SPACA6: variants seen among roughly 807,000 people sequenced by gnomAD.
SPACA6 encodes sperm acrosome membrane-associated protein 6.
For synonymous variants in SPACA6, 6 were observed against 1.5 expected (o/e 4.05, Z -2.21); for missense variants, 8 against 2.8 (o/e 2.88, Z -1.34).
chr19:51,704,291 C>T lies in SPACA6; in HGVS notation c.752C>T (p.Ala251Val), dbSNP rs2083496078. ...GCAGTGACGGGCCCGCCCCCGCGGG[C>T]GGAGACAGAGTTGCAGGCCTCGTTC... is the stretch of plus-strand genomic sequence containing the variant. ...FLNVTGPPPR[A>V]ETELQASFRE... The change falls in exon 8 of 9, where the codon GCG becomes GTG. Residue 251 changes from alanine (A) to valine (V), a missense_variant. Coordinates refer to ENST00000637797, the MANE Select transcript of SPACA6 (RefSeq NM_001316972.2). The T allele has an allele frequency of 2.5e-6, 1 of 400,710 alleles. No homozygotes were observed. The highest frequency in any genetic ancestry group is 4.4e-6 in the Non-Finnish European group (1 of 225,986). 24.8% of individuals were successfully genotyped at this position (400,710 alleles called of 1,614,324 possible).
At chr19:51,705,362 G>A, downstream of SPACA6, 1 of 356,708 alleles carries the variant, frequency 2.8e-6, no homozygotes, top group Non-Finnish European at 5.0e-6. Flanking sequence ...CTGTCTCCTT[G>A]ACATTTCCAT....
At chr19:51,690,988 G>A (rs964057296), upstream of SPACA6, among the ~76,000 whole-genome samples, 2 of 144,502 alleles carry the variant, frequency 1.4e-5, no homozygotes, top group South Asian at 2.3e-4. Context: ...CTGAGGGTCT[G>A]GGAGGTTGGG....
At chr19:51,699,490 G>C in intron 2 of SPACA6, among the ~76,000 whole-genome samples, 1 of 152,146 alleles carries the variant, frequency 6.6e-6, no homozygotes, top group East Asian at 1.9e-4. Context: ...TGGTTTGCTA[G>C]GACCACTGTA....
intron 2 of SPACA6, among the ~76,000 whole-genome samples, chr19:51,697,230 G>C (rs1308127462): frequency 1.3e-5 from 2 of 152,310 alleles, no homozygotes; most frequent in Non-Finnish European, 1.5e-5. Flanking sequence ...TTTACACAGA[G>C]AGACAGGATC....
Position 51,693,612 on chromosome 19 carries a change from T to C in SPACA6, c.86T>C (p.Leu29Pro). The C allele has an allele frequency of 2.3e-6, 1 of 430,120 alleles. No homozygotes were observed. The highest frequency in any genetic ancestry group is 4.2e-6 in the Non-Finnish European group (1 of 239,964). The allele number at this position is 430,120 out of a possible 1,614,324, so 26.6% of individuals were successfully genotyped here. The change falls in exon 1 of 9, where the codon CTC (leucine) becomes CCC (proline). Residue 29 changes from leucine to proline, a missense_variant. Transcript: ENST00000637797. ...AGGGTGCCCGCCTGGGCCTGTCTCCTCTGCTTCACAACCTACTCTGAGCGC... is the reference window on the plus strand; with the variant it reads ...AGGGTGCCCGCCTGGGCCTGTCTCCCCTGCTTCACAACCTACTCTGAGCGC... ...VFRVPAWACL[L>P]CFTTYSERLR...
chr19:51,704,375 G>A lies in SPACA6; in HGVS notation c.836G>A (p.Ser279Asn). Residue 279 changes from serine (S) to asparagine (N), a missense_variant, in exon 8 of 9, where the codon AGC becomes AAC. Ser to Asn is a conservative substitution (Grantham distance 46, BLOSUM62 1). Coordinates refer to ENST00000637797, the MANE Select transcript of SPACA6 (RefSeq NM_001316972.2). ...DAELIEPWRPSLGELLARPEA... is the reference protein window; with the variant it reads ...DAELIEPWRPNLGELLARPEA... ...GAGCTGATCGAGCCCTGGAGGCCCA[G>A]CCTGGGCGAGCTGCTGGCCAGGCCC... 2.5e-6 allele frequency: 1 copy of A among 401,090 alleles called. No individual in the cohort carries two copies. The highest frequency in any genetic ancestry group is 3.6e-5 in the East Asian group (1 of 28,054). 24.8% of individuals were successfully genotyped at this position (401,090 alleles called of 1,614,324 possible). A position where few individuals can be genotyped will look rare whatever the true frequency, so the allele number is the denominator to read the frequency against.
At chr19:51,707,791 T>C (rs1274791193), downstream of SPACA6, among the ~76,000 whole-genome samples, 2 of 152,186 alleles carry the variant, frequency 1.3e-5, no homozygotes, top group Non-Finnish European at 2.9e-5. Context: ...TTTGCTAGAA[T>C]AGCTTGAATA....
downstream of SPACA6, among the ~76,000 whole-genome samples, chr19:51,707,613 C>G (rs1018629055): frequency 6.6e-6 from 1 of 152,118 alleles, no homozygotes; most frequent in East Asian, 1.9e-4. Flanking sequence ...CCAACTCTCC[C>G]GGACACCAGT....
At chr19:51,683,421 A>G in the SPACA6 span, among the ~76,000 whole-genome samples, 1 of 152,064 alleles carries the variant, frequency 6.6e-6, no homozygotes, top group Non-Finnish European at 1.5e-5. Flanking sequence ...TTTAACATAT[A>G]TATTTGGTGG....
At chr19:51,695,205 TC>T (rs2083420076) in intron 2 of SPACA6, among the ~76,000 whole-genome samples, 2 of 152,322 alleles carry the variant, frequency 1.3e-5, no homozygotes, top group Admixed American at 6.5e-5. Flanking sequence ...GGTGTGACTG[TC>T]CTGGTGAGAC....
downstream of SPACA6, among the ~76,000 whole-genome samples, chr19:51,709,081 C>T (rs774755792): frequency 5.9e-5 from 9 of 151,844 alleles, no homozygotes; most frequent in Non-Finnish European, 8.8e-5. Context: ...AGATGAGGGT[C>T]GGCTGGGTGT....
At chr19:51,709,531 C>CAAAAAAAAAAAAAAAAAAAAAAAAA (rs56170768), downstream of SPACA6, among the ~76,000 whole-genome samples, 1 of 54,466 alleles carries the variant, frequency 1.8e-5, no homozygotes, top group Non-Finnish European at 3.4e-5. Context: ...AAAAAAAAGG[C>CAAAAAAAAAAAAAAAAAAAAAAAAA]AAAAAAAAAA....
chr19:51,704,532 A>T (rs893616342), intron 8 of SPACA6, 52 bp downstream of exon 8: 1 of 399,922 alleles, frequency 2.5e-6, no homozygotes, highest in African/African-American at 2.1e-5. Flanking sequence ...GCTGTCTCAG[A>T]TCCCACCGAG....
chr19:51,706,875 TCTCAAACTCCTCAC>T (rs1162878319), downstream of SPACA6, among the ~76,000 whole-genome samples: 1 of 152,206 alleles, frequency 6.6e-6, no homozygotes, highest in African/African-American at 2.4e-5. Flanking sequence ...GCCAGGCTGA[TCTCAAACTCCTCAC>T]CTCAGGTGAT....
In SPACA6 at chr19:51,704,333, G is replaced by T. The variant is rs1268248397; in HGVS notation, c.794G>T (p.Trp265Leu). Residue 265 changes from tryptophan to leucine, a missense_variant, in exon 8 of 9, where the codon TGG becomes TTG. Physicochemically the swap from Trp to Leu is moderately conservative, Grantham distance 61. Coordinates refer to ENST00000637797, the MANE Select transcript of SPACA6 (RefSeq NM_001316972.2). ...LQASFREVLRWAPRDAELIEP... is the reference protein window; with the variant it reads ...LQASFREVLRLAPRDAELIEP... ...GCCTCGTTCCGGGAAGTGCTGCGCT[G>T]GGCGCCGCGGGATGCCGAGCTGATC... The T allele has an allele frequency of 1.2e-5, 5 of 400,798 alleles. No homozygotes were observed. The Admixed American group carries it at 1.8e-4, about 14-fold the overall frequency. The allele number at this position is 400,798 out of a possible 1,614,324, so 24.8% of individuals were successfully genotyped here.
At chr19:51,709,219 G>GAAAAA (rs35079110), downstream of SPACA6, among the ~76,000 whole-genome samples, 1 of 126,990 alleles carries the variant, frequency 7.9e-6, no homozygotes. Flanking sequence ...ACCTGAATCA[G>GAAAAA]AAAAAAAAAA....
chr19:51,685,115 C>T (rs543411247), upstream of SPACA6, among the ~76,000 whole-genome samples: 291 of 152,266 alleles, frequency 1.9e-3, 1 homozygote, highest in Non-Finnish European at 3.6e-3. Flanking sequence ...TTAAGGTGTC[C>T]TCCTGTCTAC....
At chr19:51,690,245 A>T (rs2083358315), upstream of SPACA6, among the ~76,000 whole-genome samples, 1 of 150,784 alleles carries the variant, frequency 6.6e-6, no homozygotes, top group Admixed American at 6.6e-5. Flanking sequence ...AGGATCCAGG[A>T]GTCTGAGCCC....
chr19:51,710,702 A>G (rs2083537624), intron 2 of SPACA6, among the ~76,000 whole-genome samples: 3 of 152,212 alleles, frequency 2.0e-5, no homozygotes, highest in Admixed American at 2.0e-4. Flanking sequence ...CACAAGGGAA[A>G]TGGGTATAGA....
Sources: allele counts gnomAD v4.1 joint callset (sites outside exome capture counted in the v4.1 genomes callset), GRCh38; gene constraint gnomAD v4.1.1; transcripts MANE v1.5; gene names NCBI Gene and HGNC (gene_info 2026-07-23, HGNC 2026-07-21).